The following RBFOX1 variants were observed in gnomAD, a reference collection of about 807,000 sequenced individuals.
RBFOX1 encodes the protein RNA binding fox-1 homolog 1.
RBFOX1 carries 8 observed loss-of-function variants against 57.7 expected under a neutral mutation model. That is an observed-to-expected ratio of 0.14 (90% CI 0.08 to 0.25). The LOEUF (loss-of-function observed/expected upper bound fraction) is 0.25, where lower values mean the gene tolerates loss of function less well. RBFOX1 is among the 10% of genes least tolerant of loss of function. The probability of loss-of-function intolerance (pLI) is 1.00; values close to 1 mark genes in which losing one functional copy is unlikely to be tolerated. For synonymous variants in RBFOX1, 326 were observed against 222.4 expected, an observed-to-expected ratio of 1.47 and a Z score of -4.15; for missense variants, 611 against 548.5, an observed-to-expected ratio of 1.11 and a Z score of -1.14.
chr16:7,040,613 C>G (rs1258889388), intron 3 of RBFOX1, among the ~76,000 whole-genome samples: 2 of 152,106 alleles, frequency 1.3e-5, no homozygotes, highest in Non-Finnish European at 2.9e-5. Flanking sequence ...CTGCTTTTGT[C>G]TGAAGTTTGT....
intron 3 of RBFOX1, among the ~76,000 whole-genome samples, chr16:6,964,059 C>T (rs2076516876): frequency 2.0e-5 from 3 of 151,982 alleles, no homozygotes. Flanking sequence ...TGCTCTGTCA[C>T]CCAGGCTGGA....
chr16:6,151,670 T>C (rs1227221569), intron 1 of RBFOX1, among the ~76,000 whole-genome samples: 1 of 152,150 alleles, frequency 6.6e-6, no homozygotes, highest in Non-Finnish European at 1.5e-5. Context: ...TGAAACAGAT[T>C]TGTTTGTTAG....
At chr16:7,282,118 C>G (rs1195603265) in intron 4 of RBFOX1, among the ~76,000 whole-genome samples, 1 of 152,142 alleles carries the variant, frequency 6.6e-6, no homozygotes, top group Non-Finnish European at 1.5e-5. Flanking sequence ...CCACTTCAGC[C>G]TCCCAGAGTG....
intron 1 of RBFOX1, among the ~76,000 whole-genome samples, chr16:5,362,841 C>G (rs541437123): frequency 2.1e-4 from 32 of 151,820 alleles, no homozygotes; most frequent in Non-Finnish European, 4.4e-4. Context: ...TAATGTCTCC[C>G]CATATTGTCA....
Position 7,700,302 on chromosome 16 carries a change from C to G in RBFOX1, c.996-8754C>G, listed in dbSNP as rs192388453. ...CTTAACTAGTAATCATAACCCTCCT[C>G]TCACCCTCACTGTAGCCTTGTACGA... is the stretch of plus-strand genomic sequence containing the variant. On this transcript the variant is annotated intron_variant, in intron 14 of 15. Transcript: ENST00000550418. Among the ~76,000 whole-genome samples the G allele has an allele frequency of 1.5e-3, 235 of 152,272 alleles. 1 individual carries two copies. Among genetic ancestry groups the G allele is most frequent in the African/African-American group, 5.6e-3 (233 of 41,548 alleles).
At chr16:5,970,428 C>T (rs576191436) in intron 4 of RBFOX1, among the ~76,000 whole-genome samples, 2 of 152,204 alleles carry the variant, frequency 1.3e-5, no homozygotes, top group East Asian at 3.9e-4. Flanking sequence ...GGATTAAAAC[C>T]AAGGCAGTCT....
intron 3 of RBFOX1, among the ~76,000 whole-genome samples, chr16:6,672,949 C>T (rs1363918378): frequency 1.3e-5 from 2 of 152,076 alleles, no homozygotes; most frequent in Non-Finnish European, 2.9e-5. Context: ...TGTTGATCAA[C>T]CTGGTCTGAA....
intron 3 of RBFOX1, among the ~76,000 whole-genome samples, chr16:6,748,397 A>T (rs1036200547): frequency 6.6e-6 from 1 of 152,162 alleles, no homozygotes; most frequent in Non-Finnish European, 1.5e-5. Context: ...ACTGTGGCTC[A>T]CACCTATAAT....
intron 1 of RBFOX1, among the ~76,000 whole-genome samples, chr16:6,185,327 T>G (rs558658064): frequency 6.6e-6 from 1 of 152,360 alleles, no homozygotes; most frequent in East Asian, 1.9e-4. Flanking sequence ...TCTCTTGAAT[T>G]CATTCCAACA....
intron 2 of RBFOX1, among the ~76,000 whole-genome samples, chr16:5,551,861 A>G (rs945707044): frequency 3.4e-5 from 5 of 148,118 alleles, no homozygotes; most frequent in East Asian, 2.0e-4. Flanking sequence ...TCGTTGTTCA[A>G]CTCCCACTTA....
At chr16:5,683,385 T>G (rs2050405091) in intron 3 of RBFOX1, among the ~76,000 whole-genome samples, 1 of 152,040 alleles carries the variant, frequency 6.6e-6, no homozygotes, top group Non-Finnish European at 1.5e-5. Flanking sequence ...TCAACTTGAT[T>G]GGATTGAGGC....
At chr16:6,285,368 A>G (rs974006067) in intron 1 of RBFOX1, among the ~76,000 whole-genome samples, 6 of 152,186 alleles carry the variant, frequency 3.9e-5, no homozygotes, top group African/African-American at 1.4e-4. Context: ...TGAACTGAAT[A>G]AAAGGAGCCA....
chr16:7,503,384 G>A (rs1258910204), intron 4 of RBFOX1, among the ~76,000 whole-genome samples: 1 of 152,194 alleles, frequency 6.6e-6, no homozygotes, highest in Non-Finnish European at 1.5e-5. Flanking sequence ...TCCTTTAGAA[G>A]CAGGCAGAGA....
At chr16:6,560,485 C>G (rs974773162) in intron 2 of RBFOX1, among the ~76,000 whole-genome samples, 1 of 152,028 alleles carries the variant, frequency 6.6e-6, no homozygotes, top group African/African-American at 2.4e-5. Context: ...AGCAAAAGAT[C>G]TAAGGCTTGA....
At chr16:7,504,771 T>TTATATATTTATA (rs2072544799) in intron 4 of RBFOX1, among the ~76,000 whole-genome samples, 1 of 49,848 alleles carries the variant, frequency 2.0e-5, no homozygotes, top group African/African-American at 1.7e-4. Context: ...ATATATATAT[T>TTATATATTTATA]TATATATATA....
At chr16:7,190,728 C>G (rs1806181167) in intron 4 of RBFOX1, among the ~76,000 whole-genome samples, 1 of 152,090 alleles carries the variant, frequency 6.6e-6, no homozygotes, top group African/African-American at 2.4e-5. Context: ...TTCTCCTGGC[C>G]TTGCATGGTT....
At chr16:6,902,553 C>T (rs1426227545) in intron 3 of RBFOX1, among the ~76,000 whole-genome samples, 3 of 152,084 alleles carry the variant, frequency 2.0e-5, no homozygotes, top group Non-Finnish European at 4.4e-5. Flanking sequence ...AATGCCCTGT[C>T]ACTACTAAAA....
chr16:5,282,553 A>G (rs1331724932), intron 1 of RBFOX1, among the ~76,000 whole-genome samples: 1 of 152,184 alleles, frequency 6.6e-6, no homozygotes. Flanking sequence ...GTCAGATGGA[A>G]ATAAGGAACT....
chr16:6,321,451 C>A (rs898852646), intron 2 of RBFOX1, among the ~76,000 whole-genome samples: 2 of 152,134 alleles, frequency 1.3e-5, no homozygotes, highest in African/African-American at 2.4e-5. Flanking sequence ...TCCTCTATTC[C>A]CTGCTGTTCC....
Sources: gnomAD v4.1 joint callset for allele counts (sites outside exome capture counted in the v4.1 genomes callset) on GRCh38, gnomAD v4.1.1 for gene constraint, MANE v1.5 for transcripts, NCBI Gene and HGNC (gene_info 2026-07-23, HGNC 2026-07-21) for gene names.